Variants in RBFOX1 observed in about 807,000 individuals in gnomAD.
The protein encoded by RBFOX1 is RNA binding fox-1 homolog 1.
A neutral mutation model predicts 57.7 loss-of-function variants in RBFOX1; 8 were observed. That is an observed-to-expected ratio of 0.14 (90% CI 0.08 to 0.25). RBFOX1 has a LOEUF of 0.25. Among genes scored for constraint, RBFOX1 ranks in the 10% least tolerant of loss-of-function variants. RBFOX1 has a pLI of 1.00. For synonymous variants in RBFOX1, 326 were observed against 222.4 expected (o/e 1.47, Z -4.15); for missense variants, 611 against 548.5 (o/e 1.11, Z -1.14).
In RBFOX1 at chr16:6,242,473, C is replaced by T. The variant is rs562819558; in HGVS notation, c.-126-74522C>T. On this transcript the variant is annotated intron_variant, in intron 1 of 15. Coordinates refer to ENST00000550418, the MANE Select transcript of RBFOX1 (RefSeq NM_018723.4). The stretch of plus-strand genomic sequence containing the variant: ...CAAACTCCTGGCCATAAATAATCCT[C>T]CCACTTAGGCCTCCCAAATTGCTGG... Among the ~76,000 whole-genome samples, 450 of 151,964 alleles carry T rather than the reference C, an allele frequency of 3.0e-3. 4 individuals are homozygous for T. The highest frequency in any genetic ancestry group is 0.01 in the African/African-American group (433 of 41,430).
At chr16:6,002,224 G>A (rs932507124) in intron 4 of RBFOX1, among the ~76,000 whole-genome samples, 2 of 151,928 alleles carry the variant, frequency 1.3e-5, no homozygotes, top group African/African-American at 4.8e-5. Context: ...TGATCCTCCC[G>A]CCCCAGCCTG....
At chr16:7,353,099 T>C (rs56178460) in intron 4 of RBFOX1, among the ~76,000 whole-genome samples, 28,792 of 152,078 alleles carry the variant, frequency 0.19, 4,228 homozygotes, top group African/African-American at 0.42. Flanking sequence ...CTTTGACCAG[T>C]TGTCTAAAGT....
intron 3 of RBFOX1, among the ~76,000 whole-genome samples, chr16:5,712,142 C>G (rs557594349): frequency 6.6e-6 from 1 of 152,300 alleles, no homozygotes; most frequent in South Asian, 2.1e-4. Flanking sequence ...CACTCTCTAT[C>G]ATGAGAGCAG....
chr16:6,563,665 A>G (rs188379362), intron 2 of RBFOX1, among the ~76,000 whole-genome samples: 2 of 152,188 alleles, frequency 1.3e-5, no homozygotes, highest in Admixed American at 1.3e-4. Flanking sequence ...GCAACGTGGC[A>G]AAAGCTCATC....
At chr16:7,529,844 C>T (rs1601003067) in intron 5 of RBFOX1, among the ~76,000 whole-genome samples, 1 of 151,330 alleles carries the variant, frequency 6.6e-6, no homozygotes, top group South Asian at 2.1e-4. Flanking sequence ...CCCCGTCTCT[C>T]CTAAAAATAC....
chr16:7,221,692 C>T (rs977503485), intron 4 of RBFOX1, among the ~76,000 whole-genome samples: 2 of 152,134 alleles, frequency 1.3e-5, no homozygotes, highest in African/African-American at 2.4e-5. Context: ...GTAAATTATC[C>T]TGTTCTCCAC....
chr16:7,512,013 A>C (rs2075225052), intron 4 of RBFOX1, among the ~76,000 whole-genome samples: 1 of 152,228 alleles, frequency 6.6e-6, no homozygotes, highest in Non-Finnish European at 1.5e-5. Flanking sequence ...AACACTTGTG[A>C]GGCAGATCAT....
chr16:5,591,432 G>A (rs1044378079), intron 2 of RBFOX1, among the ~76,000 whole-genome samples: 36 of 152,166 alleles, frequency 2.4e-4, no homozygotes, highest in Admixed American at 1.1e-3. Flanking sequence ...TGTGTTTTTA[G>A]TAGAGATGGG....
intron 3 of RBFOX1, among the ~76,000 whole-genome samples, chr16:6,892,881 C>G (rs1261076312): frequency 4.0e-5 from 6 of 148,974 alleles, no homozygotes; most frequent in Non-Finnish European, 8.9e-5. Flanking sequence ...TCTGTCTCTG[C>G]TCATTTCTCA....
Position 6,349,659 on chromosome 16 carries a change from C to T in RBFOX1, c.-64+32602C>T, listed in dbSNP as rs117687960. Among the ~76,000 whole-genome samples, 255 of 152,308 alleles carry T rather than the reference C, an allele frequency of 1.7e-3. 2 individuals carry two copies. Among genetic ancestry groups the T allele is most frequent in the Admixed American group, 3.9e-3 (59 of 15,300 alleles). ...AGTCCTATTGAGAACACATCTTCAT[C>T]TCTAGAGAGCAAACCTGGCATTAAC... is the stretch of plus-strand genomic sequence containing the variant. On this transcript the variant is annotated intron_variant, in intron 2 of 15. Coordinates refer to ENST00000550418, the MANE Select transcript of RBFOX1 (RefSeq NM_018723.4).
At chr16:6,186,525 G>A (rs765194630) in intron 1 of RBFOX1, among the ~76,000 whole-genome samples, 13 of 152,154 alleles carry the variant, frequency 8.5e-5, no homozygotes, top group Non-Finnish European at 1.8e-4. Flanking sequence ...GTGAGGAGAG[G>A]GGCGGGGAGG....
At chr16:5,781,717 A>C (rs974388444) in intron 3 of RBFOX1, among the ~76,000 whole-genome samples, 3 of 152,230 alleles carry the variant, frequency 2.0e-5, no homozygotes, top group Non-Finnish European at 4.4e-5. Flanking sequence ...TGTGGGCTAT[A>C]TTTGAAAGCC....
intron 3 of RBFOX1, among the ~76,000 whole-genome samples, chr16:5,755,530 G>A (rs900898769): frequency 2.6e-5 from 4 of 152,158 alleles, no homozygotes; most frequent in African/African-American, 4.8e-5. Flanking sequence ...GGCCTTGGTT[G>A]GTCACAAAAG....
chr16:6,313,970 C>T (rs1271809312), intron 1 of RBFOX1, among the ~76,000 whole-genome samples: 3 of 152,072 alleles, frequency 2.0e-5, no homozygotes, highest in African/African-American at 7.2e-5. Flanking sequence ...AAAATAATCC[C>T]CCTAAATGAC....
At chr16:5,974,047 C>A (rs2060013606) in intron 4 of RBFOX1, among the ~76,000 whole-genome samples, 1 of 152,158 alleles carries the variant, frequency 6.6e-6, no homozygotes, top group African/African-American at 2.4e-5. Flanking sequence ...ATCATCGTAT[C>A]TACATGGAAG....
At chr16:6,996,333 G>T (rs1568285273) in intron 3 of RBFOX1, among the ~76,000 whole-genome samples, 1 of 152,046 alleles carries the variant, frequency 6.6e-6, no homozygotes, top group African/African-American at 2.4e-5. Flanking sequence ...TTGATATTCG[G>T]ACAGCTCTTT....
At chr16:6,958,923 C>G (rs754545963) in intron 3 of RBFOX1, among the ~76,000 whole-genome samples, 2 of 152,098 alleles carry the variant, frequency 1.3e-5, no homozygotes, top group African/African-American at 4.8e-5. Context: ...GGCGTATTCT[C>G]CATCCTGACA....
intron 3 of RBFOX1, among the ~76,000 whole-genome samples, chr16:6,707,870 G>T (rs1012492940): frequency 1.3e-5 from 2 of 152,180 alleles, no homozygotes; most frequent in African/African-American, 2.4e-5. Flanking sequence ...CATTAAGCTT[G>T]TAACTCTTGG....
chr16:6,116,306 A>T (rs1175610164), intron 1 of RBFOX1, among the ~76,000 whole-genome samples: 1 of 152,110 alleles, frequency 6.6e-6, no homozygotes, highest in Non-Finnish European at 1.5e-5. Context: ...ATTAGAAGAG[A>T]TCCCTAATGT....
Sources: allele counts gnomAD v4.1 joint callset (sites outside exome capture counted in the v4.1 genomes callset), GRCh38; gene constraint gnomAD v4.1.1; transcripts MANE v1.5; gene names NCBI Gene and HGNC (gene_info 2026-07-23, HGNC 2026-07-21).